The following PTPRK variants were observed in gnomAD, a reference collection of about 807,000 sequenced individuals.
PTPRK encodes the protein receptor-type tyrosine-protein phosphatase kappa.
PTPRK carries 75 observed loss-of-function variants against 178.0 expected under a neutral mutation model. The ratio of observed to expected loss-of-function variants is 0.42; its 90% CI spans 0.35 to 0.51. The LOEUF is 0.51. PTPRK is among the 20% of genes least tolerant of loss of function. The probability of loss-of-function intolerance (pLI) is 0.02; values close to 1 mark genes in which losing one functional copy is unlikely to be tolerated. For synonymous variants in PTPRK, 637 were observed against 620.6 expected, an observed-to-expected ratio of 1.03 and a Z score of -0.39; for missense variants, 1,441 against 1,797.8, an observed-to-expected ratio of 0.80 and a Z score of 3.59.
At chr6:128,235,199 AC>A (rs1238425315) in intron 5 of PTPRK, among the ~76,000 whole-genome samples, 4 of 152,166 alleles carry the variant, frequency 2.6e-5, no homozygotes. Context: ...AATATTAAAA[AC>A]ATGCAAATAT....
At chr6:128,492,992 G>GTACCAAAA in intron 1 of PTPRK, among the ~76,000 whole-genome samples, 1 of 152,220 alleles carries the variant, frequency 6.6e-6, no homozygotes, top group East Asian at 1.9e-4. Context: ...CCAGAGTGTG[G>GTACCAAAA]TGTCCCATGT....
At chr6:128,246,927 A>G (rs1014820057) in intron 3 of PTPRK, among the ~76,000 whole-genome samples, 2 of 152,228 alleles carry the variant, frequency 1.3e-5, no homozygotes, top group South Asian at 4.1e-4. Context: ...AAGTTGAATT[A>G]AACTTGGGGG....
chr6:128,214,163 C>T (rs773832999), intron 6 of PTPRK, among the ~76,000 whole-genome samples: 1 of 152,124 alleles, frequency 6.6e-6, no homozygotes, highest in African/African-American at 2.4e-5. Flanking sequence ...ACTACAATTA[C>T]AGTAAAAGCA....
At chr6:128,050,322 G>C (rs748123023) in intron 13 of PTPRK, among the ~76,000 whole-genome samples, 1 of 152,092 alleles carries the variant, frequency 6.6e-6, no homozygotes, top group Non-Finnish European at 1.5e-5. Context: ...TCCTTGAGAC[G>C]TATTCTCCTT....
At chr6:128,006,101 A>G in intron 14 of PTPRK, 1 of 1,453,594 alleles carries the variant, frequency 6.9e-7, no homozygotes, top group East Asian at 2.4e-5. Context: ...GCAATGGTGA[A>G]TGAAAAGCGT....
At position 128,460,466 on chromosome 6, in the gene PTPRK, C is replaced by G. The variant is rs143661174; in HGVS notation, c.100+59793G>C. On this transcript the variant is annotated intron_variant, in intron 1 of 29. Transcript: ENST00000368226. ...CTGAGGTGGGAGGATCACTTGAGCC[C>G]AGGAGGTTGAGGCTGCAGTGAGCAG... Among the ~76,000 whole-genome samples the G allele has an allele frequency of 9.2e-3, 1,404 of 152,026 alleles. 17 individuals carry two copies. Among genetic ancestry groups the G allele is most frequent in the Non-Finnish European group, 0.013 (886 of 67,960 alleles).
chr6:128,029,663 A>AATG (rs1774954888), intron 13 of PTPRK, among the ~76,000 whole-genome samples: 2 of 121,756 alleles, frequency 1.6e-5, no homozygotes, highest in African/African-American at 6.3e-5. Flanking sequence ...TAATAATAAT[A>AATG]ATAATAATAA....
At chr6:128,099,197 T>TA (rs1322216258) in intron 7 of PTPRK, among the ~76,000 whole-genome samples, 7 of 147,858 alleles carry the variant, frequency 4.7e-5, no homozygotes, top group African/African-American at 1.0e-4. Flanking sequence ...TATATATATA[T>TA]TTTTTCTTTT....
At chr6:128,071,397 A>T (rs1345551675) in intron 11 of PTPRK, among the ~76,000 whole-genome samples, 5 of 151,996 alleles carry the variant, frequency 3.3e-5, no homozygotes, top group Admixed American at 3.3e-4. Context: ...TTTTACACCC[A>T]AACGAAACTG....
At chr6:128,349,220 T>C (rs977788185) in intron 2 of PTPRK, among the ~76,000 whole-genome samples, 1 of 152,074 alleles carries the variant, frequency 6.6e-6, no homozygotes. Context: ...CATGGAGTGT[T>C]ACCATTCCTC....
intron 2 of PTPRK, among the ~76,000 whole-genome samples, chr6:128,387,713 A>G (rs1013164535): frequency 1.3e-5 from 2 of 152,160 alleles, no homozygotes; most frequent in Non-Finnish European, 2.9e-5. Flanking sequence ...CATAAGGAAA[A>G]CAAGAGACAA....
rs987744623 is a variant in PTPRK at position 128,255,892 on chromosome 6, C to T, written c.496-13290G>A. Among the ~76,000 whole-genome samples, 6 of 152,270 alleles carry T rather than the reference C, an allele frequency of 3.9e-5. No individual in the cohort carries two copies. The South Asian group carries it at 6.2e-4, about 16-fold the overall frequency. On this transcript the variant is annotated intron_variant, in intron 3 of 29. Coordinates refer to ENST00000368226, the MANE Select transcript of PTPRK (RefSeq NM_002844.4). ...CAGTTTCAATCCTATAGGTTTTCTT[C>T]CTTCAGAACTTTTTCCTTTTCAAGA... is the stretch of plus-strand genomic sequence containing the variant.
At chr6:128,087,061 G>A (rs1040964847) in intron 8 of PTPRK, among the ~76,000 whole-genome samples, 8 of 151,782 alleles carry the variant, frequency 5.3e-5, no homozygotes, top group Non-Finnish European at 1.2e-4. Flanking sequence ...ATCAATGTAG[G>A]GCATAATTTA....
intron 24 of PTPRK, 100 bp from the exon 25 acceptor site, chr6:127,981,389 G>C: frequency 6.2e-3 from 5,082 of 817,100 alleles, no homozygotes; most frequent in Non-Finnish European, 8.8e-3. Flanking sequence ...GAAAGTGAAG[G>C]ATTTGTGCGA....
chr6:128,384,576 G>C (rs995887813), intron 2 of PTPRK, among the ~76,000 whole-genome samples: 1 of 152,256 alleles, frequency 6.6e-6, no homozygotes, highest in African/African-American at 2.4e-5. Context: ...ACCACCAGTG[G>C]AAAGAGTTTG....
At chr6:127,978,975 C>A (rs1291306357) in intron 25 of PTPRK, among the ~76,000 whole-genome samples, 2 of 152,164 alleles carry the variant, frequency 1.3e-5, no homozygotes, top group Non-Finnish European at 2.9e-5. Flanking sequence ...CCCAGAACAG[C>A]TTTAACTATG....
At chr6:128,327,909 T>G (rs1343489775) in intron 2 of PTPRK, among the ~76,000 whole-genome samples, 1 of 152,204 alleles carries the variant, frequency 6.6e-6, no homozygotes, top group Admixed American at 6.5e-5. Flanking sequence ...AGATAAAGTC[T>G]GCTGGGTCAC....
At chr6:127,986,147 C>T (rs866957523) in intron 21 of PTPRK, among the ~76,000 whole-genome samples, 1 of 152,098 alleles carries the variant, frequency 6.6e-6, no homozygotes, top group Admixed American at 6.6e-5. Context: ...ACTTTGACAG[C>T]TTGTTTCTTG....
chr6:128,507,239 C>T (rs1017856718), intron 1 of PTPRK, among the ~76,000 whole-genome samples: 1 of 152,110 alleles, frequency 6.6e-6, no homozygotes, highest in East Asian at 1.9e-4. Flanking sequence ...AGTGACTCAA[C>T]TAACAAAAAA....
Sources: allele counts gnomAD v4.1 joint callset (sites outside exome capture counted in the v4.1 genomes callset), GRCh38; gene constraint gnomAD v4.1.1; transcripts MANE v1.5; gene names NCBI Gene and HGNC (gene_info 2026-07-23, HGNC 2026-07-21).